The following PPM1H variants were observed in gnomAD, a reference collection of about 807,000 sequenced individuals.
PPM1H encodes the protein protein phosphatase, Mg2+/Mn2+ dependent 1H.
PPM1H carries 27 observed loss-of-function variants against 54.9 expected under a neutral mutation model. The ratio of observed to expected loss-of-function variants is 0.49; its 90% CI spans 0.36 to 0.68. PPM1H has a LOEUF of 0.68. PPM1H is among the 30% of genes least tolerant of loss of function. The pLI is 0.00. For missense variants in PPM1H, 596 were observed against 667.8 expected (o/e 0.89, Z 1.19); for synonymous variants, 305 against 270.8 (o/e 1.13, Z -1.24).
intron 4 of PPM1H, among the ~76,000 whole-genome samples, chr12:62,778,826 G>A (rs2076625402): frequency 6.6e-6 from 1 of 152,058 alleles, no homozygotes; most frequent in Non-Finnish European, 1.5e-5. Context: ...AGCTACTCAG[G>A]AGGCTGACAT....
Position 62,813,470 on chromosome 12 carries a change from C to T in PPM1H, c.412-11310G>A, listed in dbSNP as rs574691252. On this transcript the variant is annotated intron_variant, in intron 2 of 9. Transcript: ENST00000228705. ...CGTGCATGGGATGCTGGTGCTCTTC[C>T]ATGCCTGTTAGTTTTGGTATATGGC... Among the ~76,000 whole-genome samples, 18 of 152,340 alleles carry T rather than the reference C, an allele frequency of 1.2e-4. 1 individual carries two copies. Among genetic ancestry groups the T allele is most frequent in the African/African-American group, 3.6e-4 (15 of 41,578 alleles).
chr12:62,753,020 TG>T (rs1190868152), intron 4 of PPM1H, among the ~76,000 whole-genome samples: 1 of 151,996 alleles, frequency 6.6e-6, no homozygotes, highest in African/African-American at 2.4e-5. Context: ...AATGTGGGAG[TG>T]GTGCTCAGGA....
At chr12:62,816,219 A>G (rs567572375) in intron 2 of PPM1H, among the ~76,000 whole-genome samples, 1 of 152,338 alleles carries the variant, frequency 6.6e-6, no homozygotes, top group African/African-American at 2.4e-5. Context: ...GGTCGAATCA[A>G]GATCTACACT....
At chr12:62,729,811 T>C (rs1482311510) in intron 5 of PPM1H, among the ~76,000 whole-genome samples, 1 of 152,200 alleles carries the variant, frequency 6.6e-6, no homozygotes, top group Non-Finnish European at 1.5e-5. Flanking sequence ...GTATGTTAAT[T>C]CCATCCTGTG....
intron 1 of PPM1H, among the ~76,000 whole-genome samples, chr12:62,884,680 A>G (rs532148503): frequency 1.6e-4 from 25 of 152,320 alleles, no homozygotes; most frequent in African/African-American, 6.0e-4. Context: ...AGTTAATAGT[A>G]GTTATACGGT....
At chr12:62,802,751 T>C (rs1046697339) in intron 2 of PPM1H, among the ~76,000 whole-genome samples, 12 of 152,056 alleles carry the variant, frequency 7.9e-5, no homozygotes, top group African/African-American at 2.7e-4. Context: ...GGCTAATTTT[T>C]TTTTGTATTT....
chr12:62,889,874 T>C (rs911806630), intron 1 of PPM1H, among the ~76,000 whole-genome samples: 2 of 151,872 alleles, frequency 1.3e-5, no homozygotes, highest in Admixed American at 6.6e-5. Flanking sequence ...TGGCAATGAG[T>C]TTTAAAATAC....
At chr12:62,715,701 G>A (rs751264725) in intron 6 of PPM1H, among the ~76,000 whole-genome samples, 7 of 152,152 alleles carry the variant, frequency 4.6e-5, no homozygotes, top group South Asian at 4.1e-4. Flanking sequence ...GAGTGCCGGC[G>A]TGGTGCTCCT....
intron 3 of PPM1H, among the ~76,000 whole-genome samples, chr12:62,790,232 T>A (rs2076695023): frequency 6.6e-6 from 1 of 152,068 alleles, no homozygotes; most frequent in Non-Finnish European, 1.5e-5. Context: ...AAATCACCAA[T>A]GGGAAACTGG....
intron 1 of PPM1H, among the ~76,000 whole-genome samples, chr12:62,909,331 C>T (rs1871389225): frequency 6.6e-6 from 1 of 152,194 alleles, no homozygotes; most frequent in African/African-American, 2.4e-5. Context: ...CGTTCTAAAA[C>T]AATTTCCCAT....
intron 1 of PPM1H, among the ~76,000 whole-genome samples, chr12:62,880,016 G>C (rs1177467655): frequency 6.6e-6 from 1 of 152,010 alleles, no homozygotes; most frequent in Non-Finnish European, 1.5e-5. Flanking sequence ...TATTATTGAA[G>C]ATCTTTATTT....
chr12:62,832,331 A>C, intron 1 of PPM1H, 52 bp from the exon 2 acceptor site: 1 of 1,537,198 alleles, frequency 6.5e-7, no homozygotes. Flanking sequence ...AGCTGAGGGC[A>C]CAGTCCCTTG....
In PPM1H at chr12:62,692,932, GACAC is replaced by G. The variant is rs71278272; in HGVS notation, c.1137+1000_1137+1003del. Among the ~76,000 whole-genome samples, 780 of 146,792 alleles carry G rather than the reference GACAC, an allele frequency of 5.3e-3. 4 individuals carry two copies. Among genetic ancestry groups the G allele is most frequent in the African/African-American group, 0.019 (737 of 39,064 alleles). On this transcript the variant is annotated intron_variant, in intron 7 of 9. Coordinates refer to ENST00000228705, the MANE Select transcript of PPM1H (RefSeq NM_020700.2). ...ATGTTTGTTCTCTTGCTTTTGCTCTGACACACACACACACACACACACACACACA... is the reference window on the plus strand; with the variant it reads ...ATGTTTGTTCTCTTGCTTTTGCTCTGACACACACACACACACACACACACA...
intron 1 of PPM1H, among the ~76,000 whole-genome samples, chr12:62,909,259 T>C (rs1592666444): frequency 6.6e-6 from 1 of 152,200 alleles, no homozygotes; most frequent in African/African-American, 2.4e-5. Context: ...AGCTTTCAAC[T>C]GCTTTTCCTG....
chr12:62,824,394 A>C (rs1868264870), intron 2 of PPM1H, among the ~76,000 whole-genome samples: 1 of 152,202 alleles, frequency 6.6e-6, no homozygotes, highest in African/African-American at 2.4e-5. Context: ...GAATTGGAAA[A>C]AACTACTTTA....
intron 1 of PPM1H, among the ~76,000 whole-genome samples, chr12:62,913,888 T>C (rs1871539349): frequency 6.6e-6 from 1 of 152,026 alleles, no homozygotes; most frequent in African/African-American, 2.4e-5. Flanking sequence ...TTAGTAGAGA[T>C]GGGATTTTAC....
chr12:62,663,746 C>G (rs549274814), intron 9 of PPM1H, among the ~76,000 whole-genome samples: 1 of 152,112 alleles, frequency 6.6e-6, no homozygotes, highest in Non-Finnish European at 1.5e-5. Flanking sequence ...AATCCCAGCA[C>G]TTTGGGAGGC....
chr12:62,678,477 A>G (rs2076000123), intron 8 of PPM1H, among the ~76,000 whole-genome samples: 1 of 152,204 alleles, frequency 6.6e-6, no homozygotes, highest in Non-Finnish European at 1.5e-5. Flanking sequence ...GGTGTGTGTC[A>G]GAGTAAATCT....
chr12:62,650,372 A>C (rs767375864), intron 9 of PPM1H, among the ~76,000 whole-genome samples: 1 of 152,184 alleles, frequency 6.6e-6, no homozygotes, highest in Non-Finnish European at 1.5e-5. Flanking sequence ...ATCATCTTTG[A>C]GGCAGAAATC....
Sources: gnomAD v4.1 joint callset for allele counts (sites outside exome capture counted in the v4.1 genomes callset) on GRCh38, gnomAD v4.1.1 for gene constraint, MANE v1.5 for transcripts, NCBI Gene and HGNC (gene_info 2026-07-23, HGNC 2026-07-21) for gene names.